Variants in ERICH5 observed in about 807,000 individuals in gnomAD.
ERICH5 encodes glutamate rich 5.
In ERICH5, 24 loss-of-function variants were observed where a neutral mutation model predicts 28.0. The ratio of observed to expected loss-of-function variants is 0.86; its 90% CI spans 0.62 to 1.21. The LOEUF (loss-of-function observed/expected upper bound fraction) is 1.21. Among genes scored for constraint, ERICH5 ranks in the 50% most tolerant of loss-of-function variants. The pLI, the probability that ERICH5 is intolerant of heterozygous loss-of-function variation, is 0.00. For missense variants in ERICH5, 421 were observed against 441.2 expected (o/e 0.95, Z 0.41); for synonymous variants, 163 against 157.6 (o/e 1.03, Z -0.25).
intron 1 of ERICH5, among the ~76,000 whole-genome samples, chr8:98,077,100 T>TA (rs34156712): frequency 2.2e-4 from 32 of 146,782 alleles, no homozygotes; most frequent in East Asian, 1.2e-3. Context: ...CTGTCTCTAT[T>TA]AAAAAAAAAA....
intron 1 of ERICH5, among the ~76,000 whole-genome samples, chr8:98,076,742 C>G (rs1815062125): frequency 6.6e-6 from 1 of 151,964 alleles, no homozygotes; most frequent in Non-Finnish European, 1.5e-5. Flanking sequence ...CATAGGTAAC[C>G]TAATCATCTG....
chr8:98,091,896 C>CTT lies in ERICH5; in HGVS notation c.1013-1323_1013-1322dup, dbSNP rs1215693838. Among the ~76,000 whole-genome samples, 274 of 50,840 alleles carry CTT rather than the reference C, an allele frequency of 5.4e-3. 6 individuals are homozygous for CTT. The highest frequency in any genetic ancestry group is 0.018 in the African/African-American group (256 of 14,130). The allele number at this position is 50,840 out of a possible 152,430, so 33.4% of individuals were successfully genotyped here. On this transcript the variant is annotated intron_variant, in intron 2 of 2. Coordinates refer to ENST00000318528, the MANE Select transcript of ERICH5 (RefSeq NM_173549.3). ...TCTTTCTTTCTTTCTTTCTTTCTTT[C>CTT]TTTCCTTTCTTTCTTTCTTTCTTCC...
At chr8:98,073,708 A>G (rs761308853) in intron 1 of ERICH5, among the ~76,000 whole-genome samples, 42 of 148,442 alleles carry the variant, frequency 2.8e-4, no homozygotes, top group Non-Finnish European at 4.3e-4. Flanking sequence ...ATGCCCGGCT[A>G]ATTTTTGTAT....
intron 1 of ERICH5, among the ~76,000 whole-genome samples, chr8:98,076,558 C>T (rs907701065): frequency 2.6e-5 from 4 of 152,124 alleles, no homozygotes; most frequent in African/African-American, 4.8e-5. Flanking sequence ...CTTATATTAT[C>T]TTTCATGCTG....
rs1225641330 is a variant in ERICH5, at chr8:98,089,377, C to T, written c.360C>T (p.Gly120=). The T allele has an allele frequency of 1.2e-6, 2 of 1,614,196 alleles. No homozygotes were observed. Among genetic ancestry groups the T allele is most frequent in the South Asian group, 1.1e-5 (1 of 91,086 alleles). Residue 120 remains glycine, a synonymous_variant, in exon 2 of 3, where the codon GGC becomes GGT. Transcript: ENST00000318528. ...LEESGPPQPG[G]KEDAPAAEGK... is the part of the protein sequence containing the mutation. ...AATCTGGGCCGCCTCAACCAGGTGG[C>T]AAAGAGGATGCCCCAGCAGCAGAAG... is the stretch of plus-strand genomic sequence containing the variant.
chr8:98,091,900 C>CTTTCTTTCTTTTCTTTCTTT lies in ERICH5; in HGVS notation c.1013-1321_1013-1320insTTTCTTTCTTTTCTTTCTTT. ...TCTTTCTTTCTTTCTTTCTTTCTTT[C>CTTTCTTTCTTTTCTTTCTTT]CTTTCTTTCTTTCTTTCTTCCTTTC... On this transcript the variant is annotated intron_variant, in intron 2 of 2. Coordinates refer to ENST00000318528, the MANE Select transcript of ERICH5 (RefSeq NM_173549.3). Among the ~76,000 whole-genome samples, 130 of 74,706 alleles carry CTTTCTTTCTTTTCTTTCTTT rather than the reference C, an allele frequency of 1.7e-3. 2 individuals carry two copies. Among genetic ancestry groups the CTTTCTTTCTTTTCTTTCTTT allele is most frequent in the African/African-American group, 4.0e-3 (71 of 17,840 alleles). The allele number at this position is 74,706 out of a possible 152,430, so 49.0% of individuals were successfully genotyped here.
Position 98,075,804 on chromosome 8 carries a change from T to TTTTTTTTTTTTTTTA in ERICH5, c.58+11077_58+11078insTTTTTTTTTTTTTTA, listed in dbSNP as rs61085617. Among the ~76,000 whole-genome samples, 6 of 148,238 alleles carry TTTTTTTTTTTTTTTA rather than the reference T, an allele frequency of 4.0e-5. 1 individual carries two copies. The highest frequency in any genetic ancestry group is 2.2e-4 in the South Asian group (1 of 4,554). On this transcript the variant is annotated intron_variant, in intron 1 of 2. Coordinates refer to ENST00000318528, the MANE Select transcript of ERICH5 (RefSeq NM_173549.3). ...ACCTGCCTTTTTTTTTTTTTTTTTT[T>TTTTTTTTTTTTTTTA]GAGACAGGGTGTTGCTATGTTGCCC...
intron 1 of ERICH5, among the ~76,000 whole-genome samples, chr8:98,068,280 G>A (rs1468474763): frequency 3.3e-5 from 5 of 152,190 alleles, no homozygotes; most frequent in African/African-American, 1.2e-4. Flanking sequence ...GAATCTCACG[G>A]AGCTGCTTCC....
chr8:98,074,172 T>G (rs941029796), intron 1 of ERICH5, among the ~76,000 whole-genome samples: 1 of 151,804 alleles, frequency 6.6e-6, no homozygotes, highest in Non-Finnish European at 1.5e-5. Flanking sequence ...GCTGGGATTA[T>G]AGGTGTGAGC....
intron 1 of ERICH5, among the ~76,000 whole-genome samples, chr8:98,078,351 G>T (rs1423663644): frequency 6.6e-6 from 1 of 152,150 alleles, no homozygotes; most frequent in Non-Finnish European, 1.5e-5. Context: ...CTACATTCTT[G>T]GTTCCAAAAC....
At chr8:98,091,802 A>T (rs201909167) in intron 2 of ERICH5, among the ~76,000 whole-genome samples, 1 of 151,700 alleles carries the variant, frequency 6.6e-6, no homozygotes, top group Non-Finnish European at 1.5e-5. Context: ...TTTGATTTAG[A>T]TACAAATTAG....
chr8:98,085,829 A>G (rs186490379), intron 1 of ERICH5, among the ~76,000 whole-genome samples: 1 of 152,112 alleles, frequency 6.6e-6, no homozygotes, highest in Admixed American at 6.5e-5. Flanking sequence ...CTCGCAAACT[A>G]TCTCAGCACA....
intron 2 of ERICH5, among the ~76,000 whole-genome samples, chr8:98,092,484 A>G (rs1459986209): frequency 6.6e-6 from 1 of 152,074 alleles, no homozygotes; most frequent in African/African-American, 2.4e-5. Flanking sequence ...TTTGAAAAAT[A>G]TTTTGTAAAG....
chr8:98,065,805 C>CCTTGTGTTATTTTTCTCTT (rs1454270422), intron 1 of ERICH5, among the ~76,000 whole-genome samples: 1 of 152,176 alleles, frequency 6.6e-6, no homozygotes, highest in Admixed American at 6.5e-5. Flanking sequence ...TTCCTTTTCA[C>CCTTGTGTTATTTTTCTCTT]AGATTTTCTC....
chr8:98,071,193 C>T (rs948850547), intron 1 of ERICH5, among the ~76,000 whole-genome samples: 1 of 152,170 alleles, frequency 6.6e-6, no homozygotes, highest in African/African-American at 2.4e-5. Context: ...AGGCGAATTT[C>T]TTGAACCTGG....
In ERICH5 at chr8:98,089,777, C is replaced by A. The variant is rs1815348380; in HGVS notation, c.760C>A (p.Gln254Lys). Residue 254 changes from glutamine (Q) to lysine (K), a missense_variant, in exon 2 of 3, where the codon CAG (glutamine) becomes AAG (lysine). Coordinates refer to ENST00000318528, the MANE Select transcript of ERICH5 (RefSeq NM_173549.3). ...QLQATLGKEE[Q>K]PQLLERIPKE... ...TCAGGCAACATTGGGAAAAGAGGAG[C>A]AGCCCCAGCTTCTAGAAAGAATTCC... 3.1e-6 allele frequency: 5 copies of A among 1,613,992 alleles called. No individual in the cohort carries two copies. Among genetic ancestry groups the A allele is most frequent in the African/African-American group, 1.3e-5 (1 of 74,932 alleles).
intron 1 of ERICH5, among the ~76,000 whole-genome samples, chr8:98,066,180 C>T (rs1045393964): frequency 2.6e-5 from 4 of 152,134 alleles, no homozygotes; most frequent in South Asian, 4.1e-4. Flanking sequence ...GGAGTTTCTC[C>T]GATGTTTCGA....
intron 1 of ERICH5, among the ~76,000 whole-genome samples, chr8:98,075,909 GACAC>G (rs1815044029): frequency 1.4e-5 from 2 of 145,418 alleles, no homozygotes; most frequent in Non-Finnish European, 3.0e-5. Context: ...CCTGGCCACA[GACAC>G]CTGCTTTTGA....
rs538098169 is a variant in ERICH5, at chr8:98,084,955, C to T, written c.59-4121C>T. On this transcript the variant is annotated intron_variant, in intron 1 of 2. Coordinates refer to ENST00000318528, the MANE Select transcript of ERICH5 (RefSeq NM_173549.3). ...CAAAGAGCCACCGTTCTGCTTTCTA[C>T]CACTGTAGATAAGTTAGTATTTTCT... Among the ~76,000 whole-genome samples, 3 of 152,052 alleles carry T rather than the reference C, an allele frequency of 2.0e-5. No individual in the cohort carries two copies. The East Asian group carries it at 5.8e-4, about 29-fold the overall frequency.
Sources: allele counts gnomAD v4.1 joint callset (sites outside exome capture counted in the v4.1 genomes callset), GRCh38; gene constraint gnomAD v4.1.1; transcripts MANE v1.5; gene names NCBI Gene and HGNC (gene_info 2026-07-23, HGNC 2026-07-21).